The following PDE3A variants were observed in gnomAD, a reference collection of about 807,000 sequenced individuals.
The protein encoded by PDE3A is phosphodiesterase 3A.
A neutral mutation model predicts 98.3 loss-of-function variants in PDE3A; 43 were observed. The ratio of observed to expected loss-of-function variants is 0.44; its 90% CI spans 0.34 to 0.56. The LOEUF (loss-of-function observed/expected upper bound fraction) is 0.56. PDE3A is among the 20% of genes least tolerant of loss of function. PDE3A has a pLI of 0.01. For missense variants in PDE3A, 1,427 were observed against 1,440.7 expected, an observed-to-expected ratio of 0.99 and a Z score of 0.15; for synonymous variants, 663 against 567.9, an observed-to-expected ratio of 1.17 and a Z score of -2.38.
intron 2 of PDE3A, among the ~76,000 whole-genome samples, chr12:20,573,717 T>C (rs1942859367): frequency 1.3e-5 from 2 of 152,138 alleles, no homozygotes; most frequent in Admixed American, 6.6e-5. Flanking sequence ...ATACTGATGC[T>C]AATTATGATC....
intron 2 of PDE3A, among the ~76,000 whole-genome samples, chr12:20,611,757 T>C (rs1943860788): frequency 6.6e-6 from 1 of 151,832 alleles, no homozygotes; most frequent in Non-Finnish European, 1.5e-5. Context: ...TTTTTCTAAT[T>C]ACAAGAATAA....
In PDE3A at chr12:20,369,788, C is replaced by A; in HGVS notation, c.504C>A (p.Cys168Ter). ...PLAVALLAAC[C>*]GGEALVQIGL... is the part of the protein sequence containing the mutation. Reference sequence around the variant, plus strand: ...CTGTCGCGCTGCTGGCCGCCTGCTGCGGGGGGGAAGCGCTCGTCCAGATTG... The same window carrying A: ...CTGTCGCGCTGCTGGCCGCCTGCTGAGGGGGGGAAGCGCTCGTCCAGATTG... The change falls in exon 1 of 16, where the codon TGC becomes TGA. Residue 168 changes from cysteine to a stop codon, truncating the protein, a stop_gained. Transcript: ENST00000359062. LOFTEE classifies it high-confidence loss of function. 6.2e-7 allele frequency: 1 copy of A among 1,612,330 alleles called. No individual in the cohort carries two copies. The highest frequency in any genetic ancestry group is 8.5e-7 in the Non-Finnish European group (1 of 1,179,678).
chr12:20,522,645 C>T (rs1455108202), intron 1 of PDE3A, among the ~76,000 whole-genome samples: 3 of 151,780 alleles, frequency 2.0e-5, no homozygotes, highest in Non-Finnish European at 2.9e-5. Context: ...AGTTGAGGCA[C>T]GGTTGGAATT....
intron 3 of PDE3A, among the ~76,000 whole-genome samples, chr12:20,614,989 T>TTTC (rs1943964155): frequency 2.8e-5 from 1 of 36,136 alleles, no homozygotes; most frequent in African/African-American, 6.4e-5. Flanking sequence ...AACTTTTTCT[T>TTTC]TTCTTTTTTT....
intron 2 of PDE3A, among the ~76,000 whole-genome samples, chr12:20,560,478 G>A (rs1014696801): frequency 2.6e-5 from 4 of 151,996 alleles, no homozygotes; most frequent in Admixed American, 2.0e-4. Flanking sequence ...GTGATTAGGA[G>A]GACATTAGTG....
At chr12:20,458,056 A>G (rs1945182398) in intron 1 of PDE3A, among the ~76,000 whole-genome samples, 1 of 152,064 alleles carries the variant, frequency 6.6e-6, no homozygotes, top group Non-Finnish European at 1.5e-5. Flanking sequence ...CATTTCAGAA[A>G]TTTGAATCAT....
chr12:20,406,237 GCATGTATACC>G (rs1293887562), intron 1 of PDE3A, among the ~76,000 whole-genome samples: 13 of 152,064 alleles, frequency 8.5e-5, no homozygotes, highest in Non-Finnish European at 1.9e-4. Context: ...TATTTCCTTT[GCATGTATACC>G]CATAAATGAG....
rs115398648 is a variant in PDE3A at position 20,488,637 on chromosome 12, G to A, written c.961-68023G>A. The stretch of plus-strand genomic sequence containing the variant: ...CCCTTGAACCCAGGAGTTCAAGCCC[G>A]GGCTGAGTGACACAGTGAGACATCT... On this transcript the variant is annotated intron_variant, in intron 1 of 15. Transcript: ENST00000359062. Among the ~76,000 whole-genome samples the A allele has an allele frequency of 4.0e-3, 612 of 151,988 alleles. 5 individuals are homozygous for A. The highest frequency in any genetic ancestry group is 0.013 in the African/African-American group (526 of 41,440).
chr12:20,571,819 A>G (rs919919251), intron 2 of PDE3A: 21 of 731,602 alleles, frequency 2.9e-5, no homozygotes, highest in Middle Eastern at 6.8e-4. Context: ...ACACTATGCA[A>G]AATTTCCCAC....
intron 1 of PDE3A, among the ~76,000 whole-genome samples, chr12:20,522,711 T>A (rs562691634): frequency 2.6e-5 from 4 of 152,120 alleles, no homozygotes; most frequent in African/African-American, 9.6e-5. Context: ...AAATTGGAAA[T>A]GTGATGTGAG....
Position 20,395,590 on chromosome 12 carries a change from A to T in PDE3A, c.960+25346A>T, listed in dbSNP as rs968744923. On this transcript the variant is annotated intron_variant, in intron 1 of 15. Transcript: ENST00000359062. The stretch of plus-strand genomic sequence containing the variant: ...TATATACATAGTATTATATATGTAT[A>T]CTATGTATACACATAGTATATATAT... Among the ~76,000 whole-genome samples, 229 of 146,876 alleles carry T rather than the reference A, an allele frequency of 1.6e-3. 1 individual carries two copies. The highest frequency in any genetic ancestry group is 3.0e-3 in the Non-Finnish European group (202 of 66,948).
At chr12:20,545,806 C>CA (rs1376617630) in intron 1 of PDE3A, among the ~76,000 whole-genome samples, 2 of 148,150 alleles carry the variant, frequency 1.3e-5, no homozygotes, top group African/African-American at 4.9e-5. Context: ...CAAAACAAAA[C>CA]AAAAAAACCT....
intron 2 of PDE3A, chr12:20,571,985 C>T (rs1942811162): frequency 9.3e-7 from 1 of 1,075,278 alleles, no homozygotes; most frequent in African/African-American, 1.7e-5. Context: ...ACCTACTTCA[C>T]TATTTGACTA....
intron 1 of PDE3A, among the ~76,000 whole-genome samples, chr12:20,515,520 G>T (rs1946302750): frequency 1.3e-5 from 2 of 152,100 alleles, no homozygotes; most frequent in South Asian, 4.1e-4. Flanking sequence ...GATAACCACA[G>T]ATTGGAAATG....
chr12:20,678,091 CAT>C (rs1414645924), intron 15 of PDE3A, among the ~76,000 whole-genome samples: 1 of 152,124 alleles, frequency 6.6e-6, no homozygotes, highest in Non-Finnish European at 1.5e-5. Context: ...AATGCCATCA[CAT>C]GATTTCCAGG....
chr12:20,644,992 G>A (rs1282169119), intron 10 of PDE3A, among the ~76,000 whole-genome samples: 13 of 150,794 alleles, frequency 8.6e-5, no homozygotes, highest in South Asian at 2.1e-4. Flanking sequence ...GGGTTCAAGC[G>A]ATTCTCCTGC....
chr12:20,545,777 C>CA (rs5796868), intron 1 of PDE3A, among the ~76,000 whole-genome samples: 28,566 of 140,630 alleles, frequency 0.2, 3,149 homozygotes, highest in South Asian at 0.25. Flanking sequence ...TAGTGGCTGC[C>CA]AAAAAAAAAA....
At position 20,531,944 on chromosome 12, in the gene PDE3A, GTT is replaced by G. The variant is rs11350207; in HGVS notation, c.961-24705_961-24704del. On this transcript the variant is annotated intron_variant, in intron 1 of 15. Coordinates refer to ENST00000359062, the MANE Select transcript of PDE3A (RefSeq NM_000921.5). ...TAATTTTAGGAACTTTGAAATAAAAGTTTTTTTTTTTTAATATATCTTATGTC... is the reference window on the plus strand; with the variant it reads ...TAATTTTAGGAACTTTGAAATAAAAGTTTTTTTTTTAATATATCTTATGTC... 2.4e-3 allele frequency among the ~76,000 whole-genome samples: 357 copies of G among 149,384 alleles called. 1 individual carries two copies. Among genetic ancestry groups the G allele is most frequent in the Middle Eastern group, 0.01 (3 of 292 alleles).
At chr12:20,486,791 A>G (rs572549976) in intron 1 of PDE3A, among the ~76,000 whole-genome samples, 4 of 152,108 alleles carry the variant, frequency 2.6e-5, no homozygotes, top group African/African-American at 9.7e-5. Context: ...GTGCCACCAC[A>G]TCTGGCTAGT....
Sources: allele counts gnomAD v4.1 joint callset (sites outside exome capture counted in the v4.1 genomes callset), GRCh38; gene constraint gnomAD v4.1.1; transcripts MANE v1.5; gene names NCBI Gene and HGNC (gene_info 2026-07-23, HGNC 2026-07-21).